The following COL18A1 variants were observed in gnomAD, a reference collection of about 807,000 sequenced individuals.
COL18A1 encodes the protein collagen alpha-1(XVIII) chain.
Under a neutral mutation model 168.0 loss-of-function variants are expected in COL18A1, and 133 were observed. The observed-to-expected ratio is 0.79, with a 90% CI of 0.69 to 0.91. The LOEUF (loss-of-function observed/expected upper bound fraction) is 0.91. Among genes scored for constraint, COL18A1 ranks in the 40% least tolerant of loss-of-function variants. The probability of loss-of-function intolerance (pLI) is 0.00; values close to 1 mark genes in which losing one functional copy is unlikely to be tolerated. For missense variants in COL18A1, 2,126 were observed against 1,925.4 expected (o/e 1.10, Z -1.95); for synonymous variants, 949 against 809.0 (o/e 1.17, Z -2.94).
At chr21:45,490,381 G>C (rs760315008) in intron 20 of COL18A1, 35 bp downstream of exon 20, 2 of 1,500,784 alleles carry the variant, frequency 1.3e-6, no homozygotes, top group Non-Finnish European at 9.0e-7. Context: ...GTGCAGGGGG[G>C]GCGTGGAGCC....
chr21:45,453,064 G>T (rs1047179735), intron 2 of COL18A1, among the ~76,000 whole-genome samples: 1 of 152,178 alleles, frequency 6.6e-6, no homozygotes, highest in Admixed American at 6.5e-5. Context: ...GTACATGTGT[G>T]AGCTTGTGTA....
Position 45,471,690 on chromosome 21 carries a change from C to T in COL18A1, c.652-2205C>T, listed in dbSNP as rs2035434421. 6.6e-6 allele frequency among the ~76,000 whole-genome samples: 1 copy of T among 152,150 alleles called. No homozygotes were observed. The highest frequency in any genetic ancestry group is 1.5e-5 in the Non-Finnish European group (1 of 68,026). ...CCGGGAAATCATGCACCCCTCCCAGCTGCTGCCGTTGCCTTGAACGTCATT... is the reference window on the plus strand; with the variant it reads ...CCGGGAAATCATGCACCCCTCCCAGTTGCTGCCGTTGCCTTGAACGTCATT... On this transcript the variant is annotated intron_variant, in intron 3 of 41. Transcript: ENST00000651438. The surrounding 1 kb of genome is among the most constrained non-coding windows in gnomAD (Gnocchi z 4.4).
intron 22 of COL18A1, 131 bp from the exon 23 acceptor site, chr21:45,492,404 A>G: frequency 8.8e-7 from 1 of 1,141,568 alleles, no homozygotes; most frequent in South Asian, 1.2e-5. Flanking sequence ...CCCCAGGCCC[A>G]GGAAGACTGG....
chr21:45,489,042 C>T (rs1452076548), intron 18 of COL18A1, among the ~76,000 whole-genome samples: 1 of 152,214 alleles, frequency 6.6e-6, no homozygotes, highest in East Asian at 1.9e-4. Context: ...GCGTGCGGGG[C>T]CAAGGGCGCA....
rs1276964151 is a variant in COL18A1, at chr21:45,426,000, A to C, written c.106+20527A>C. 6.6e-6 allele frequency among the ~76,000 whole-genome samples: 1 copy of C among 152,116 alleles called. No homozygotes were observed. Among genetic ancestry groups the C allele is most frequent in the African/African-American group, 2.4e-5 (1 of 41,420 alleles). On this transcript the variant is annotated intron_variant, in intron 2 of 41. Coordinates refer to ENST00000651438, the MANE Select transcript of COL18A1 (RefSeq NM_001379500.1). The surrounding 1 kb of genome is among the most constrained non-coding windows in gnomAD (Gnocchi z 4.1). ...TGAGTGTGACTCCTCTGGTTTTTAGAGAGCACTGCCCCCGCCCCGCCCCCT... is the reference window on the plus strand; with the variant it reads ...TGAGTGTGACTCCTCTGGTTTTTAGCGAGCACTGCCCCCGCCCCGCCCCCT...
Position 45,505,331 on chromosome 21 carries a change from G to A in COL18A1, c.3014-27G>A, listed in dbSNP as rs371003719. The A allele has an allele frequency of 1.9e-6, 3 of 1,596,590 alleles. No homozygotes were observed. In the African/African-American group the frequency reaches 4.0e-5, roughly 21 times the overall value. ...CAGAGGCCGCCTCGTGTGGCTTCGT[G>A]TTCCCACCTTGGTTTCTCTCCTGCA... On this transcript the variant is annotated intron_variant, in intron 35 of 41. Coordinates refer to ENST00000651438, the MANE Select transcript of COL18A1 (RefSeq NM_001379500.1).
intron 2 of COL18A1, among the ~76,000 whole-genome samples, chr21:45,434,516 G>C (rs1707530410): frequency 6.6e-6 from 1 of 152,216 alleles, no homozygotes; most frequent in Non-Finnish European, 1.5e-5. Flanking sequence ...CCTGAGTCGG[G>C]GTGAGGGCTT....
At chr21:45,432,759 G>T (rs1312979941) in intron 2 of COL18A1, among the ~76,000 whole-genome samples, 1 of 152,240 alleles carries the variant, frequency 6.6e-6, no homozygotes. Flanking sequence ...ACGTGGCTCT[G>T]TGGGTCAGGG....
At chr21:45,411,759 C>T (rs866253305) in intron 2 of COL18A1, among the ~76,000 whole-genome samples, 18 of 7,578 alleles carry the variant, frequency 2.4e-3, no homozygotes, top group African/African-American at 6.3e-3. Flanking sequence ...GGGCTGATGG[C>T]GGGGGGTGGG....
intron 2 of COL18A1, among the ~76,000 whole-genome samples, chr21:45,426,226 T>C (rs1259476964): frequency 6.6e-6 from 1 of 152,164 alleles, no homozygotes; most frequent in Non-Finnish European, 1.5e-5. Flanking sequence ...CATCTCAGCC[T>C]CTGGAGTAGC....
At chr21:45,464,443 G>T (rs74460108) in intron 2 of COL18A1, among the ~76,000 whole-genome samples, 4,452 of 152,298 alleles carry the variant, frequency 0.029, 233 homozygotes, top group African/African-American at 0.1. Flanking sequence ...GCAGTGGTCA[G>T]GTGGGGGCAC....
intron 2 of COL18A1, chr21:45,456,829 C>A: frequency 6.6e-7 from 1 of 1,520,378 alleles, no homozygotes; most frequent in Non-Finnish European, 8.8e-7. Context: ...TCGCCTGTGC[C>A]TCGCTCCCGA....
At chr21:45,491,579 T>C (rs564593755) in intron 22 of COL18A1, among the ~76,000 whole-genome samples, 7 of 144,610 alleles carry the variant, frequency 4.8e-5, no homozygotes, top group African/African-American at 7.5e-5. Context: ...AAGGCTCCCA[T>C]TGGGCTCACT....
At chr21:45,447,455 A>G (rs1158641418) in intron 2 of COL18A1, among the ~76,000 whole-genome samples, 2 of 152,222 alleles carry the variant, frequency 1.3e-5, no homozygotes, top group African/African-American at 4.8e-5. Flanking sequence ...TGTTTACAAC[A>G]GCATCAACAA....
In COL18A1 at chr21:45,438,012, ACACACT is replaced by A. The variant is rs200042441; in HGVS notation, c.107-30226_107-30221del. Among the ~76,000 whole-genome samples the A allele has an allele frequency of 4.4e-3, 472 of 106,236 alleles. 2 individuals are homozygous for A. The highest frequency in any genetic ancestry group is 7.2e-3 in the Non-Finnish European group (382 of 53,296). 69.7% of individuals were successfully genotyped at this position (106,236 alleles called of 152,430 possible). On this transcript the variant is annotated intron_variant, in intron 2 of 41. Coordinates refer to ENST00000651438, the MANE Select transcript of COL18A1 (RefSeq NM_001379500.1). ...GACACACAGGCACTCTCCTGCACAC[ACACACT>A]CACTCACACACAGACACACAGGCAC...
intron 2 of COL18A1, among the ~76,000 whole-genome samples, chr21:45,447,264 C>T (rs560149047): frequency 1.0e-3 from 154 of 151,426 alleles, no homozygotes; most frequent in African/African-American, 3.3e-3. Context: ...AAAGTTCTAA[C>T]CTCTAAAAAG....
At chr21:45,459,580 G>A (rs1345208899) in intron 2 of COL18A1, among the ~76,000 whole-genome samples, 6 of 152,246 alleles carry the variant, frequency 3.9e-5, no homozygotes, top group Non-Finnish European at 7.3e-5. Context: ...GGACAGTGCA[G>A]CCGTGCTGGG....
intron 2 of COL18A1, among the ~76,000 whole-genome samples, chr21:45,433,338 G>T (rs1016428099): frequency 3.9e-5 from 6 of 152,220 alleles, no homozygotes; most frequent in Non-Finnish European, 8.8e-5. Flanking sequence ...GAGGTTGCTA[G>T]TACCCATTGT....
chr21:45,468,534 G>A lies in COL18A1; in HGVS notation c.399G>A (p.Gln133=), dbSNP rs776404352. 6.2e-7 allele frequency: 1 copy of A among 1,613,436 alleles called. No homozygotes were observed. Among genetic ancestry groups the A allele is most frequent in the South Asian group, 1.1e-5 (1 of 91,082 alleles). ...TCTCTGGGGTGCAGGACGGGCACCA[G>A]GACATCTCCCTGCTCTACACAGAAC... ...VKLSGVQDGH[Q]DISLLYTEPG... Residue 133 remains glutamine (Q), a synonymous_variant, in exon 3 of 42, where the codon CAG becomes CAA. Transcript: ENST00000651438.
Sources: allele counts gnomAD v4.1 joint callset (sites outside exome capture counted in the v4.1 genomes callset), GRCh38; gene constraint gnomAD v4.1.1; non-coding constraint Gnocchi (gnomAD v3.1); transcripts MANE v1.5; gene names NCBI Gene and HGNC (gene_info 2026-07-23, HGNC 2026-07-21).